Variants in GABRR1 observed in about 807,000 individuals in gnomAD.
GABRR1 encodes the protein gamma-aminobutyric acid receptor subunit rho-1.
In GABRR1, 59 loss-of-function variants were observed where a neutral mutation model predicts 55.5. The observed-to-expected ratio is 1.06, with a 90% CI of 0.86 to 1.32. The LOEUF is 1.32. GABRR1 is among the 40% of genes most tolerant of loss of function. The probability of loss-of-function intolerance (pLI) is 0.00; values close to 1 mark genes in which losing one functional copy is unlikely to be tolerated. For synonymous variants in GABRR1, 213 were observed against 226.0 expected, an observed-to-expected ratio of 0.94 and a Z score of 0.51; for missense variants, 602 against 619.1, an observed-to-expected ratio of 0.97 and a Z score of 0.29.
chr6:89,184,016 A>T (rs1017200767), intron 7 of GABRR1, among the ~76,000 whole-genome samples: 3 of 152,092 alleles, frequency 2.0e-5, no homozygotes, highest in Middle Eastern at 3.2e-3. Flanking sequence ...GAGGTGGGCC[A>T]ATCATTTGAG....
In GABRR1 at chr6:89,185,411, T is replaced by C; in HGVS notation, c.695A>G (p.Lys232Arg). Residue 232 changes from lysine to arginine, a missense_variant, in exon 7 of 10, where the codon AAG (lysine) becomes AGG (arginine). Physicochemically the swap from Lys to Arg is conservative, Grantham distance 26 (BLOSUM62 2). Around this residue, in one of 3 missense-constraint regions of GABRR1, gnomAD observed 435 missense variants for 424.2 expected, o/e 1.03. Coordinates refer to ENST00000454853, the MANE Select transcript of GABRR1 (RefSeq NM_002042.5). ...ATCTGTCTTTAAGGAGTCATTGCCC[T>C]TTTTCCAGTACAGCATGAGGTCATC... ...TEDDLMLYWKKGNDSLKTDER... is the reference protein window; with the variant it reads ...TEDDLMLYWKRGNDSLKTDER... 6.2e-7 allele frequency: 1 copy of C among 1,612,386 alleles called. No homozygotes were observed. The highest frequency in any genetic ancestry group is 8.5e-7 in the Non-Finnish European group (1 of 1,178,534).
intron 1 of GABRR1, among the ~76,000 whole-genome samples, chr6:89,207,330 G>A (rs1030639763): frequency 6.6e-6 from 1 of 152,052 alleles, no homozygotes; most frequent in African/African-American, 2.4e-5. Context: ...GAGTAGCTGG[G>A]ATTACAGGCA....
chr6:89,196,769 T>G (rs540490948), intron 5 of GABRR1, among the ~76,000 whole-genome samples: 1 of 121,194 alleles, frequency 8.3e-6, no homozygotes, highest in Non-Finnish European at 1.7e-5. Context: ...AGAGCAAAAC[T>G]CTGTAAATAA....
At chr6:89,204,717 A>G in intron 1 of GABRR1, 1 of 1,186,570 alleles carries the variant, frequency 8.4e-7, no homozygotes, top group Non-Finnish European at 1.1e-6. Context: ...AGACGGATGA[A>G]TAAAATACAG....
In GABRR1 at chr6:89,178,978, T is replaced by C; in HGVS notation, c.1232A>G (p.Asn411Ser). ...YSDGEVNDLD[N>S]YMPENGEKPD... The stretch of plus-strand genomic sequence containing the variant: ...CTTCTCTCCATTCTCTGGCATGTAG[T>C]TGTCCAGGTCATTCACCTCCCCATC... Residue 411 changes from asparagine to serine, a missense_variant, in exon 10 of 10, where the codon AAC becomes AGC. Coordinates refer to ENST00000454853, the MANE Select transcript of GABRR1 (RefSeq NM_002042.5). 1 of 1,614,170 alleles carries C rather than the reference T, an allele frequency of 6.2e-7. No individual in the cohort carries two copies. The highest frequency in any genetic ancestry group is 8.5e-7 in the Non-Finnish European group (1 of 1,180,022).
intron 1 of GABRR1, among the ~76,000 whole-genome samples, chr6:89,206,119 C>A (rs976722757): frequency 6.6e-6 from 1 of 152,062 alleles, no homozygotes; most frequent in African/African-American, 2.4e-5. Context: ...TCCATCCCCA[C>A]GCCCCCTGCC....
upstream of GABRR1, among the ~76,000 whole-genome samples, chr6:89,218,645 G>A (rs1205847831): frequency 6.6e-6 from 1 of 152,216 alleles, no homozygotes; most frequent in Admixed American, 6.5e-5. Flanking sequence ...ACAACTGGAA[G>A]CATCAATTAT....
chr6:89,228,751 G>A (rs1370833972), intron 1 of GABRR1, among the ~76,000 whole-genome samples: 2 of 150,480 alleles, frequency 1.3e-5, no homozygotes, highest in Non-Finnish European at 3.0e-5. Flanking sequence ...GTTGATTTGG[G>A]GTGGAGAGTT....
chr6:89,200,334 C>T (rs1409067558), intron 3 of GABRR1, among the ~76,000 whole-genome samples: 4 of 149,910 alleles, frequency 2.7e-5, no homozygotes, highest in South Asian at 2.1e-4. Context: ...CTGCAACCTC[C>T]GCCTCCTGGG....
rs1457756153 is a variant in GABRR1, at chr6:89,180,279, A to G, written c.1146+13T>C. 1.2e-6 allele frequency: 2 copies of G among 1,612,180 alleles called. No homozygotes were observed. The highest frequency in any genetic ancestry group is 1.7e-6 in the Non-Finnish European group (2 of 1,179,270). On this transcript the variant is annotated intron_variant, in intron 9 of 9. Transcript: ENST00000454853. Reference sequence around the variant, plus strand: ...CATCCTGACCAGACACTATAAGCGCATGGCAAAGTCACCTTCTCCCGCAGC... The same window carrying G: ...CATCCTGACCAGACACTATAAGCGCGTGGCAAAGTCACCTTCTCCCGCAGC...
At chr6:89,194,403 C>G (rs1338203060) in intron 5 of GABRR1, among the ~76,000 whole-genome samples, 1 of 152,078 alleles carries the variant, frequency 6.6e-6, no homozygotes, top group East Asian at 1.9e-4. Flanking sequence ...GACAGATTCA[C>G]TAAGCAAATA....
intron 2 of GABRR1, among the ~76,000 whole-genome samples, chr6:89,203,050 T>C (rs980183291): frequency 1.3e-5 from 2 of 152,096 alleles, no homozygotes; most frequent in Non-Finnish European, 2.9e-5. Flanking sequence ...GCTACACAAA[T>C]GGGAGGAGCC....
intron 5 of GABRR1, among the ~76,000 whole-genome samples, chr6:89,196,876 A>AAAGAAAGAAAGG (rs1554190903): frequency 9.8e-6 from 1 of 101,876 alleles, no homozygotes; most frequent in African/African-American, 3.0e-5. Flanking sequence ...AGAAAGAAAG[A>AAAGAAAGAAAGG]AAGAGAAGAG....
intron 1 of GABRR1, among the ~76,000 whole-genome samples, chr6:89,216,057 A>C (rs1772969686): frequency 6.6e-6 from 1 of 152,192 alleles, no homozygotes; most frequent in Non-Finnish European, 1.5e-5. Context: ...GCAACTTCTG[A>C]CTCTGATGGT....
intron 1 of GABRR1, among the ~76,000 whole-genome samples, chr6:89,228,869 G>A (rs1444010254): frequency 6.6e-6 from 1 of 151,680 alleles, no homozygotes; most frequent in African/African-American, 2.4e-5. Context: ...GGGTGTTAAA[G>A]TCTCCCATTA....
intron 9 of GABRR1, 61 bp from the exon 10 acceptor site, chr6:89,179,124 AAAG>A (rs1286855545): frequency 1.3e-6 from 2 of 1,526,010 alleles, no homozygotes; most frequent in Non-Finnish European, 1.8e-6. Context: ...AAGCCCTTCA[AAAG>A]GAACTGCATA....
intron 6 of GABRR1, among the ~76,000 whole-genome samples, chr6:89,186,092 C>T (rs764952650): frequency 5.3e-5 from 8 of 152,208 alleles, no homozygotes; most frequent in Non-Finnish European, 1.0e-4. Flanking sequence ...AACCTACCTC[C>T]AGCCTGAGCA....
intron 2 of GABRR1, among the ~76,000 whole-genome samples, 175 bp from the exon 3 acceptor site, chr6:89,201,440 A>G (rs1772468170): frequency 6.6e-6 from 1 of 152,202 alleles, no homozygotes; most frequent in Admixed American, 6.5e-5. Flanking sequence ...ACTAACCCAG[A>G]AGGTCCAAGA....
intron 7 of GABRR1, among the ~76,000 whole-genome samples, chr6:89,184,885 CTTTTT>C (rs754802888): frequency 4.8e-5 from 6 of 123,730 alleles, no homozygotes; most frequent in Admixed American, 1.7e-4. Flanking sequence ...TCTTTTCTTT[CTTTTT>C]TTTTTTTTTT....
Sources: gnomAD v4.1 joint callset for allele counts (sites outside exome capture counted in the v4.1 genomes callset) on GRCh38, gnomAD v4.1.1 for gene constraint, gnomAD v4.1.1 regional missense constraint, MANE v1.5 for transcripts, NCBI Gene and HGNC (gene_info 2026-07-23, HGNC 2026-07-21) for gene names.